RFX3: variants seen among roughly 807,000 people sequenced by gnomAD.
RFX3 encodes the protein transcription factor RFX3.
In RFX3, 14 loss-of-function variants were observed where a neutral mutation model predicts 98.6. The ratio of observed to expected loss-of-function variants is 0.14; its 90% CI spans 0.09 to 0.22. The LOEUF (loss-of-function observed/expected upper bound fraction) is 0.22, where lower values mean the gene tolerates loss of function less well. RFX3 is among the 10% of genes least tolerant of loss of function. The probability of loss-of-function intolerance (pLI) is 1.00; values close to 1 mark genes in which losing one functional copy is unlikely to be tolerated. For synonymous variants in RFX3, 383 were observed against 328.4 expected, an observed-to-expected ratio of 1.17 and a Z score of -1.80; for missense variants, 639 against 926.9, an observed-to-expected ratio of 0.69 and a Z score of 4.03.
At chr9:3,491,994 A>G (rs1312114377) in intron 1 of RFX3, among the ~76,000 whole-genome samples, 1 of 152,060 alleles carries the variant, frequency 6.6e-6, no homozygotes, top group African/African-American at 2.4e-5. Flanking sequence ...ACAAGACCTT[A>G]TTTTCCTTGT....
At chr9:3,429,674 T>C (rs1844468498) in intron 1 of RFX3, among the ~76,000 whole-genome samples, 1 of 152,146 alleles carries the variant, frequency 6.6e-6, no homozygotes, top group Non-Finnish European at 1.5e-5. Context: ...ACTTGCAAAG[T>C]ATTTGGGCAG....
chr9:3,525,554 A>G (rs1360447485), intron 1 of RFX3, among the ~76,000 whole-genome samples, 193 bp downstream of exon 1: 1 of 151,792 alleles, frequency 6.6e-6, no homozygotes, highest in Non-Finnish European at 1.5e-5. Context: ...CGCGGCGCGC[A>G]GGGTCCATTG....
Position 3,275,547 on chromosome 9 carries a change from A to G in RFX3, c.1039T>C (p.Phe347Leu). ...CTCTGCAGTGACTTGATATCCTCAA[A>G]GGTAGTACCATCTGGCAGAGAAGAG... ...EISSLPDGTTFEDIKSLQSLY... is the reference protein window; with the variant it reads ...EISSLPDGTTLEDIKSLQSLY... Residue 347 changes from phenylalanine to leucine, a missense_variant, in exon 9 of 17, where the codon TTT becomes CTT. Transcript: ENST00000617270. 1.2e-6 allele frequency: 2 copies of G among 1,612,718 alleles called. No homozygotes were observed. Among genetic ancestry groups the G allele is most frequent in the Non-Finnish European group, 1.7e-6 (2 of 1,178,892 alleles).
intron 1 of RFX3, among the ~76,000 whole-genome samples, chr9:3,504,856 T>C (rs1333884357): frequency 3.8e-5 from 3 of 78,216 alleles, no homozygotes; most frequent in Non-Finnish European, 6.1e-5. Context: ...ATATTATATA[T>C]GATATAATAT....
At chr9:3,239,365 TAAG>T (rs766158912) in intron 15 of RFX3, among the ~76,000 whole-genome samples, 4 of 152,230 alleles carry the variant, frequency 2.6e-5, no homozygotes, top group Non-Finnish European at 5.9e-5. Flanking sequence ...TGAAACCTGC[TAAG>T]AAGGCCAAGA....
At chr9:3,446,470 C>T (rs1281321775) in intron 1 of RFX3, among the ~76,000 whole-genome samples, 1 of 151,996 alleles carries the variant, frequency 6.6e-6, no homozygotes, top group Non-Finnish European at 1.5e-5. Context: ...ACTCTGATGA[C>T]TTGTCAAGAA....
chr9:3,521,348 C>T (rs1587927941), intron 1 of RFX3, among the ~76,000 whole-genome samples: 1 of 151,860 alleles, frequency 6.6e-6, no homozygotes, highest in Non-Finnish European at 1.5e-5. Flanking sequence ...AAGTTAGGTT[C>T]TGATGTAAAA....
intron 1 of RFX3, among the ~76,000 whole-genome samples, chr9:3,397,428 C>T (rs1193775732): frequency 6.6e-6 from 1 of 152,146 alleles, no homozygotes; most frequent in Non-Finnish European, 1.5e-5. Context: ...TTCAGTTTTT[C>T]AAGGAGAAAA....
intron 4 of RFX3, among the ~76,000 whole-genome samples, chr9:3,318,973 G>A (rs192245831): frequency 1.3e-5 from 2 of 152,208 alleles, no homozygotes; most frequent in Non-Finnish European, 2.9e-5. Context: ...AGTCTGTGAC[G>A]ATAAAACTAG....
intron 1 of RFX3, among the ~76,000 whole-genome samples, chr9:3,511,374 T>C (rs912461809): frequency 1.3e-5 from 2 of 151,970 alleles, no homozygotes; most frequent in African/African-American, 4.8e-5. Flanking sequence ...GCTATAGATT[T>C]TAGAATTGTA....
At chr9:3,404,527 A>G (rs2132073093) in intron 1 of RFX3, among the ~76,000 whole-genome samples, 1 of 152,162 alleles carries the variant, frequency 6.6e-6, no homozygotes, top group Non-Finnish European at 1.5e-5. Context: ...GGTATGAAGC[A>G]TTTTCTTGCC....
chr9:3,503,470 A>C (rs1816273580), intron 1 of RFX3, among the ~76,000 whole-genome samples: 1 of 152,094 alleles, frequency 6.6e-6, no homozygotes, highest in Non-Finnish European at 1.5e-5. Flanking sequence ...GAATACTGTG[A>C]AACTGTACAT....
intron 2 of RFX3, among the ~76,000 whole-genome samples, chr9:3,349,553 C>T (rs1834845128): frequency 6.6e-6 from 1 of 152,066 alleles, no homozygotes; most frequent in South Asian, 2.1e-4. Flanking sequence ...CCTCCTTTCA[C>T]CCCTGCTGCT....
chr9:3,465,532 G>A (rs1299851591), intron 1 of RFX3, among the ~76,000 whole-genome samples: 3 of 145,844 alleles, frequency 2.1e-5, no homozygotes, highest in Non-Finnish European at 3.0e-5. Context: ...TTGAACTCCC[G>A]ACCTTAGGTG....
chr9:3,497,146 G>A (rs1286728751), intron 1 of RFX3, among the ~76,000 whole-genome samples: 2 of 152,108 alleles, frequency 1.3e-5, no homozygotes, highest in East Asian at 3.9e-4. Context: ...GAAATATAGT[G>A]ACAAAGTCTT....
chr9:3,347,312 T>A (rs1834553763), intron 2 of RFX3, among the ~76,000 whole-genome samples: 1 of 151,022 alleles, frequency 6.6e-6, no homozygotes, highest in Non-Finnish European at 1.5e-5. Flanking sequence ...CAGAGTGAGA[T>A]TCTGTCTCAA....
At chr9:3,485,331 G>C (rs1390705247) in intron 1 of RFX3, among the ~76,000 whole-genome samples, 2 of 152,086 alleles carry the variant, frequency 1.3e-5, no homozygotes, top group African/African-American at 2.4e-5. Context: ...GCCAGGCACT[G>C]GATTACACAC....
At chr9:3,291,501 C>G (rs1423018773) in intron 6 of RFX3, among the ~76,000 whole-genome samples, 1 of 152,168 alleles carries the variant, frequency 6.6e-6, no homozygotes. Flanking sequence ...TTAGATCATA[C>G]CCCTTTCTGT....
intron 2 of RFX3, among the ~76,000 whole-genome samples, chr9:3,386,872 T>A (rs1839781675): frequency 6.6e-6 from 1 of 152,062 alleles, no homozygotes. Context: ...ATAAGTCAAC[T>A]GAGTAGGAAG....
Sources: gnomAD v4.1 joint callset for allele counts (sites outside exome capture counted in the v4.1 genomes callset) on GRCh38, gnomAD v4.1.1 for gene constraint, MANE v1.5 for transcripts, NCBI Gene and HGNC (gene_info 2026-07-23, HGNC 2026-07-21) for gene names.